The following IL4R variants were observed in gnomAD, a reference collection of about 807,000 sequenced individuals.
The protein encoded by IL4R is interleukin 4 receptor.
In IL4R, 17 loss-of-function variants were observed where a neutral mutation model predicts 41.5. That is an observed-to-expected ratio of 0.41 (90% CI 0.28 to 0.61). The LOEUF (loss-of-function observed/expected upper bound fraction) is 0.61, where lower values mean the gene tolerates loss of function less well. Ranked by LOEUF, IL4R falls within the 20% of genes least tolerant of loss-of-function variation. IL4R has a pLI of 0.31. For missense variants in IL4R, 974 were observed against 1,043.1 expected, an observed-to-expected ratio of 0.93 and a Z score of 0.91; for synonymous variants, 402 against 422.9, an observed-to-expected ratio of 0.95 and a Z score of 0.61.
Position 27,360,812 on chromosome 16 carries a change from GC to G in IL4R, c.899del (p.Pro300HisfsTer19). 6.2e-7 allele frequency: 1 copy of G among 1,614,164 alleles called. No homozygotes were observed. Among genetic ancestry groups the G allele is most frequent in the Non-Finnish European group, 8.5e-7 (1 of 1,180,028 alleles). ...KRSRGQEPAK[C>X]PHWKNCLTKL... The stretch of plus-strand genomic sequence containing the variant: ...TCCCGAGGCCAGGAACCAGCCAAGT[GC>G]CCGTATGTATCTGAACTTAGGTCAC... On this transcript the variant is annotated frameshift_variant and splice_region_variant, in exon 10 of 11. Transcript: ENST00000395762. LOFTEE classifies it low-confidence loss of function (END_TRUNC).
chr16:27,323,701 G>A (rs1349766036), intron 1 of IL4R, among the ~76,000 whole-genome samples: 1 of 151,918 alleles, frequency 6.6e-6, no homozygotes, highest in Non-Finnish European at 1.5e-5. Context: ...TGTTGCCCAG[G>A]CTGGAGTGCA....
intron 3 of IL4R, among the ~76,000 whole-genome samples, chr16:27,341,825 T>C (rs764524407): frequency 2.0e-5 from 3 of 152,172 alleles, no homozygotes; most frequent in Non-Finnish European, 2.9e-5. Flanking sequence ...TGCTACATAT[T>C]TTCCCTTTAA....
rs186075605 is a variant in IL4R, at chr16:27,334,823, G to A, written c.-19+4625G>A. 9.5e-4 allele frequency among the ~76,000 whole-genome samples: 145 copies of A among 152,236 alleles called. 1 individual carries two copies. Among genetic ancestry groups the A allele is most frequent in the Middle Eastern group, 6.8e-3 (2 of 294 alleles). ...GATACAGAGCCTTCCCCTAGAGAGAGCTTTGCAGCCTCATGCTGAGCCAGT... is the reference window on the plus strand; with the variant it reads ...GATACAGAGCCTTCCCCTAGAGAGAACTTTGCAGCCTCATGCTGAGCCAGT... On this transcript the variant is annotated intron_variant, in intron 2 of 10. Coordinates refer to ENST00000395762, the MANE Select transcript of IL4R (RefSeq NM_000418.4).
intron 2 of IL4R, among the ~76,000 whole-genome samples, chr16:27,339,372 A>T (rs2085365556): frequency 6.6e-6 from 1 of 152,060 alleles, no homozygotes; most frequent in Non-Finnish European, 1.5e-5. Flanking sequence ...GCCTATATGG[A>T]CTAAGCTGAC....
upstream of IL4R, chr16:27,313,950 G>A (rs1441051685): frequency 5.4e-5 from 53 of 984,554 alleles, no homozygotes; most frequent in Admixed American, 1.2e-3. Flanking sequence ...CGCGGGCCAG[G>A]GAAGGGCCAC....
At chr16:27,347,946 C>T (rs1443784044) in intron 6 of IL4R, among the ~76,000 whole-genome samples, 1 of 152,244 alleles carries the variant, frequency 6.6e-6, no homozygotes, top group Non-Finnish European at 1.5e-5. Flanking sequence ...CTCTTGAGTG[C>T]CCCAGGCCAC....
At chr16:27,328,079 G>A (rs774232181) in intron 1 of IL4R, among the ~76,000 whole-genome samples, 1 of 151,546 alleles carries the variant, frequency 6.6e-6, no homozygotes, top group African/African-American at 2.4e-5. Context: ...GTGTGATGGC[G>A]TGCTCCTGTA....
intron 1 of IL4R, among the ~76,000 whole-genome samples, chr16:27,319,616 A>G (rs1075623): frequency 0.02 from 3,005 of 152,150 alleles, 100 homozygotes; most frequent in African/African-American, 0.065. Context: ...CAGTCCAATC[A>G]TTTTACATAT....
At chr16:27,329,126 G>A (rs150170036) in intron 1 of IL4R, among the ~76,000 whole-genome samples, 2 of 152,120 alleles carry the variant, frequency 1.3e-5, no homozygotes, top group Admixed American at 1.3e-4. Context: ...GTTTAGAAGT[G>A]TGCGGCACCT....
At chr16:27,335,641 G>A (rs765549583) in intron 2 of IL4R, among the ~76,000 whole-genome samples, 10 of 152,102 alleles carry the variant, frequency 6.6e-5, no homozygotes, top group Non-Finnish European at 1.0e-4. Flanking sequence ...TGCCTGTTTT[G>A]TCCAGGTCAG....
At chr16:27,317,648 C>T (rs1021476072) in intron 1 of IL4R, among the ~76,000 whole-genome samples, 5 of 152,108 alleles carry the variant, frequency 3.3e-5, no homozygotes, top group East Asian at 1.9e-4. Flanking sequence ...AATTGCTCTG[C>T]GTCTCTGAGC....
chr16:27,359,997 G>A (rs1305474620), intron 9 of IL4R, among the ~76,000 whole-genome samples: 3 of 151,650 alleles, frequency 2.0e-5, no homozygotes, highest in Admixed American at 6.6e-5. Flanking sequence ...GCCTCCCTCC[G>A]TGTCTGACAG....
At chr16:27,341,369 G>C in intron 3 of IL4R, 1 of 594,852 alleles carries the variant, frequency 1.7e-6, no homozygotes. Context: ...GATAAGCTTG[G>C]AATATTTATT....
At chr16:27,361,491 C>T (rs1245272057) in intron 10 of IL4R, among the ~76,000 whole-genome samples, 2 of 151,940 alleles carry the variant, frequency 1.3e-5, no homozygotes, top group Non-Finnish European at 2.9e-5. Context: ...GACAAGCTCT[C>T]GCTGTGTTGC....
intron 9 of IL4R, 31 bp from the exon 10 acceptor site, chr16:27,360,735 T>G: frequency 1.9e-6 from 3 of 1,614,030 alleles, no homozygotes; most frequent in Non-Finnish European, 2.5e-6. Context: ...AAGGCCACTC[T>G]GCTCTTTCAT....
In IL4R at chr16:27,349,790, C is replaced by T. The variant is rs370330988; in HGVS notation, c.514-2750C>T. Among the ~76,000 whole-genome samples the T allele has an allele frequency of 6.4e-4, 98 of 152,260 alleles. 1 individual carries two copies. Among genetic ancestry groups the T allele is most frequent in the African/African-American group, 2.3e-3 (95 of 41,542 alleles). ...GTTGAGACAGAGTCTCACTCTATCA[C>T]CCAGGCTGGAATGCAGGGGCGTGAT... is the stretch of plus-strand genomic sequence containing the variant. On this transcript the variant is annotated intron_variant, in intron 6 of 10. Transcript: ENST00000395762.
intron 6 of IL4R, 67 bp downstream of exon 6, chr16:27,346,685 C>T (rs2085657976): frequency 1.3e-6 from 2 of 1,556,056 alleles, no homozygotes; most frequent in African/African-American, 1.4e-5. Flanking sequence ...CAGCAGAGGC[C>T]CAGTCCCTGG....
chr16:27,318,977 G>A (rs552928206), intron 1 of IL4R, among the ~76,000 whole-genome samples: 2 of 152,332 alleles, frequency 1.3e-5, no homozygotes, highest in Admixed American at 1.3e-4. Context: ...CTGGGGACAC[G>A]GGAATGAGTG....
chr16:27,315,754 G>C (rs2084628384), intron 1 of IL4R, among the ~76,000 whole-genome samples: 1 of 152,182 alleles, frequency 6.6e-6, no homozygotes, highest in African/African-American at 2.4e-5. Flanking sequence ...CAAGGAACTT[G>C]GGCCAGTGTA....
Sources: allele counts gnomAD v4.1 joint callset (sites outside exome capture counted in the v4.1 genomes callset), GRCh38; gene constraint gnomAD v4.1.1; transcripts MANE v1.5; gene names NCBI Gene and HGNC (gene_info 2026-07-23, HGNC 2026-07-21).